KCNH8: variants seen among roughly 807,000 people sequenced by gnomAD.
KCNH8 encodes the protein potassium voltage-gated channel subfamily H member 8.
Under a neutral mutation model 103.6 loss-of-function variants are expected in KCNH8, and 70 were observed. The observed-to-expected ratio is 0.68, with a 90% confidence interval of 0.56 to 0.82. The LOEUF (loss-of-function observed/expected upper bound fraction) is 0.82, where lower values mean the gene tolerates loss of function less well. KCNH8 is among the 40% of genes least tolerant of loss of function. KCNH8 has a pLI of 0.00. For missense variants in KCNH8, 1,217 were observed against 1,329.9 expected (o/e 0.92, Z 1.32); for synonymous variants, 498 against 489.4 (o/e 1.02, Z -0.23).
At chr3:19,416,224 T>G (rs1187168924) in intron 7 of KCNH8, among the ~76,000 whole-genome samples, 1 of 152,116 alleles carries the variant, frequency 6.6e-6, no homozygotes, top group Non-Finnish European at 1.5e-5. Flanking sequence ...TACATATTCT[T>G]TGTGTACTTG....
At chr3:19,176,248 A>T (rs1420367472) in intron 1 of KCNH8, among the ~76,000 whole-genome samples, 1 of 152,116 alleles carries the variant, frequency 6.6e-6, no homozygotes, top group African/African-American at 2.4e-5. Context: ...TTCTTATTTG[A>T]AAGTAAGGAA....
intron 3 of KCNH8, among the ~76,000 whole-genome samples, chr3:19,303,202 A>G (rs2065085949): frequency 6.6e-6 from 1 of 152,230 alleles, no homozygotes; most frequent in South Asian, 2.1e-4. Context: ...TAAAAATGTC[A>G]GAAGTTTTAA....
At chr3:19,153,247 A>G (rs1334332325) in intron 1 of KCNH8, among the ~76,000 whole-genome samples, 1 of 152,230 alleles carries the variant, frequency 6.6e-6, no homozygotes, top group Non-Finnish European at 1.5e-5. Context: ...TTGATTAGTG[A>G]TATATACAAA....
At chr3:19,337,051 T>TA (rs1375632581) in intron 3 of KCNH8, among the ~76,000 whole-genome samples, 1 of 151,944 alleles carries the variant, frequency 6.6e-6, no homozygotes, top group Non-Finnish European at 1.5e-5. Context: ...CACAGATAAG[T>TA]AAAAAAATCG....
intron 3 of KCNH8, among the ~76,000 whole-genome samples, chr3:19,333,596 T>C (rs918799297): frequency 2.6e-5 from 4 of 152,254 alleles, no homozygotes; most frequent in African/African-American, 9.6e-5. Context: ...ACTCTCATAG[T>C]AACAAAATTA....
intron 1 of KCNH8, among the ~76,000 whole-genome samples, chr3:19,211,255 C>T (rs1559424511): frequency 6.6e-6 from 1 of 152,088 alleles, no homozygotes; most frequent in Admixed American, 6.6e-5. Context: ...AGTCAAAGAA[C>T]AGATGCCATG....
At chr3:19,477,286 GAATTC>G (rs1389326449) in intron 11 of KCNH8, among the ~76,000 whole-genome samples, 1 of 151,966 alleles carries the variant, frequency 6.6e-6, no homozygotes, top group Non-Finnish European at 1.5e-5. Context: ...TTCCCAACAT[GAATTC>G]AATTCAAAGA....
At chr3:19,512,527 T>G (rs1248908498) in intron 12 of KCNH8, among the ~76,000 whole-genome samples, 1 of 152,164 alleles carries the variant, frequency 6.6e-6, no homozygotes, top group South Asian at 2.1e-4. Context: ...CTGGTTAATC[T>G]CCATGTAAAG....
chr3:19,525,725 C>T (rs1045115276), intron 15 of KCNH8, among the ~76,000 whole-genome samples: 1 of 151,870 alleles, frequency 6.6e-6, no homozygotes, highest in Non-Finnish European at 1.5e-5. Context: ...ATTTAAGAGA[C>T]GTCGGCTGCA....
chr3:19,209,329 A>T (rs2063746935), intron 1 of KCNH8, among the ~76,000 whole-genome samples: 1 of 152,096 alleles, frequency 6.6e-6, no homozygotes, highest in African/African-American at 2.4e-5. Context: ...TCACTAAAAC[A>T]TGCTTTTCTC....
intron 1 of KCNH8, among the ~76,000 whole-genome samples, chr3:19,219,350 A>G (rs866012928): frequency 2.6e-5 from 4 of 152,020 alleles, no homozygotes; most frequent in Middle Eastern, 3.2e-3. Flanking sequence ...AGTATTTATC[A>G]CCTTATAACT....
chr3:19,280,429 A>G (rs1036154078), intron 2 of KCNH8, among the ~76,000 whole-genome samples: 4 of 152,060 alleles, frequency 2.6e-5, no homozygotes, highest in Non-Finnish European at 4.4e-5. Context: ...TTCTAATCAC[A>G]ATTTCCCCAA....
intron 11 of KCNH8, among the ~76,000 whole-genome samples, chr3:19,477,527 G>A (rs545397318): frequency 2.0e-5 from 3 of 151,696 alleles, no homozygotes; most frequent in Non-Finnish European, 4.4e-5. Flanking sequence ...GGCTCCAAAT[G>A]CTTTCTCTCT....
At chr3:19,419,861 T>C in intron 7 of KCNH8, among the ~76,000 whole-genome samples, 1 of 152,124 alleles carries the variant, frequency 6.6e-6, no homozygotes, top group Admixed American at 6.5e-5. Flanking sequence ...TATTTAGCTT[T>C]CTGTAGCTTT....
chr3:19,450,380 G>A (rs770872808), intron 9 of KCNH8, 75 bp downstream of exon 9: 2 of 1,149,320 alleles, frequency 1.7e-6, no homozygotes, highest in African/African-American at 1.5e-5. Context: ...TTCTAATGCA[G>A]GTATCAGAAG....
chr3:19,373,006 G>A (rs980896526), intron 5 of KCNH8, among the ~76,000 whole-genome samples: 50 of 151,788 alleles, frequency 3.3e-4, no homozygotes, highest in Admixed American at 2.4e-3. Flanking sequence ...TGCTGGATTC[G>A]TTTTGCCAGT....
chr3:19,501,251 C>A (rs1018391533), intron 11 of KCNH8, among the ~76,000 whole-genome samples: 1 of 152,104 alleles, frequency 6.6e-6, no homozygotes, highest in Non-Finnish European at 1.5e-5. Flanking sequence ...TCTGAATAGA[C>A]CAATAACAGG....
At chr3:19,499,104 T>C (rs907278021) in intron 11 of KCNH8, among the ~76,000 whole-genome samples, 1 of 152,124 alleles carries the variant, frequency 6.6e-6, no homozygotes, top group Non-Finnish European at 1.5e-5. Flanking sequence ...AAGGAGCTGA[T>C]GGAGCTGAAA....
At chr3:19,479,611 G>C (rs1318535076) in intron 11 of KCNH8, among the ~76,000 whole-genome samples, 3 of 152,028 alleles carry the variant, frequency 2.0e-5, no homozygotes, top group Non-Finnish European at 2.9e-5. Flanking sequence ...ACCTGCCATG[G>C]GTGTTATTTA....
Sources: gnomAD v4.1 joint callset for allele counts (sites outside exome capture counted in the v4.1 genomes callset) on GRCh38, gnomAD v4.1.1 for gene constraint, MANE v1.5 for transcripts, NCBI Gene and HGNC (gene_info 2026-07-23, HGNC 2026-07-21) for gene names.